Variants in SMIM41 observed in about 807,000 individuals in gnomAD.
SMIM41 encodes the protein small integral membrane protein 41.
In SMIM41 at chr12:52,107,447, T is replaced by C; in HGVS notation, c.*264T>C. The C allele has an allele frequency of 1.7e-6, 1 of 599,200 alleles. No individual in the cohort carries two copies. Among genetic ancestry groups the C allele is most frequent in the Middle Eastern group, 2.9e-4 (1 of 3,396 alleles). The allele number at this position is 599,200 out of a possible 1,614,324, so 37.1% of individuals were successfully genotyped here. Reference sequence around the variant, plus strand: ...TTCCTGTCCATGTGCCTGGTCATGGTGCTGGGGAACCTGCTCATCATCCGG... The same window carrying C: ...TTCCTGTCCATGTGCCTGGTCATGGCGCTGGGGAACCTGCTCATCATCCGG... On this transcript the variant is annotated 3_prime_UTR_variant, in exon 3 of 3. Transcript: ENST00000546390.
At chr12:52,086,070 G>A (rs75126138) in intron 2 of SMIM41, among the ~76,000 whole-genome samples, 5 of 152,196 alleles carry the variant, frequency 3.3e-5, no homozygotes, top group East Asian at 3.8e-4. Flanking sequence ...GATGCAGGAC[G>A]CAGCCCTGTT....
intron 2 of SMIM41, among the ~76,000 whole-genome samples, chr12:52,090,933 T>G (rs908574257): frequency 2.0e-5 from 3 of 152,230 alleles, no homozygotes; most frequent in African/African-American, 7.2e-5. Flanking sequence ...AGAAGTACTT[T>G]AGTGAAGGAT....
At chr12:52,106,254 G>A (rs1940336716) in intron 2 of SMIM41, among the ~76,000 whole-genome samples, 1 of 152,238 alleles carries the variant, frequency 6.6e-6, no homozygotes, top group Non-Finnish European at 1.5e-5. Flanking sequence ...GACAGCAAAA[G>A]TAAACATCTA....
chr12:52,091,163 C>A (rs1218347087), intron 2 of SMIM41, among the ~76,000 whole-genome samples: 1 of 152,200 alleles, frequency 6.6e-6, no homozygotes, highest in Admixed American at 6.5e-5. Context: ...AGGGGTGTGC[C>A]ACCACATCTG....
At chr12:52,085,010 G>A (rs1052365072) in intron 2 of SMIM41, among the ~76,000 whole-genome samples, 7 of 152,176 alleles carry the variant, frequency 4.6e-5, no homozygotes, top group African/African-American at 1.7e-4. Flanking sequence ...GGAGGACGAT[G>A]TTCTGGTTTC....
At chr12:52,093,195 T>TCAA (rs200157544) in intron 2 of SMIM41, among the ~76,000 whole-genome samples, 3 of 151,962 alleles carry the variant, frequency 2.0e-5, no homozygotes, top group African/African-American at 4.8e-5. Flanking sequence ...AGACCCTGTC[T>TCAA]CAACAACAAC....
chr12:52,099,990 G>A (rs1380105644), intron 2 of SMIM41, among the ~76,000 whole-genome samples: 1 of 151,944 alleles, frequency 6.6e-6, no homozygotes, highest in East Asian at 1.9e-4. Flanking sequence ...CTGAGATATT[G>A]GGAGTAATGA....
intron 2 of SMIM41, among the ~76,000 whole-genome samples, chr12:52,100,507 A>T (rs1423515934): frequency 1.3e-5 from 2 of 150,730 alleles, no homozygotes; most frequent in Non-Finnish European, 1.5e-5. Flanking sequence ...CCCAGGCTGG[A>T]GTGCAATGGC....
At chr12:52,102,872 T>C (rs1302717548) in intron 2 of SMIM41, among the ~76,000 whole-genome samples, 4 of 152,140 alleles carry the variant, frequency 2.6e-5, no homozygotes, top group African/African-American at 9.7e-5. Context: ...CCAAAAAGAA[T>C]TAGAAGCCAG....
intron 2 of SMIM41, among the ~76,000 whole-genome samples, chr12:52,100,622 A>ATT (rs1173057236): frequency 0.066 from 7,334 of 111,068 alleles, 472 homozygotes; most frequent in African/African-American, 0.17. Flanking sequence ...GCGCCCAGCT[A>ATT]TTTTTTTTTT....
In SMIM41 at chr12:52,081,881, A is replaced by G. The variant is rs986297378; in HGVS notation, c.*120+1700A>G. 6.6e-6 allele frequency among the ~76,000 whole-genome samples: 1 copy of G among 152,152 alleles called. No homozygotes were observed. Among genetic ancestry groups the G allele is most frequent in the Non-Finnish European group, 1.5e-5 (1 of 68,020 alleles). Reference sequence around the variant, plus strand: ...TTCCAAGTTCAGGCCCCCTTCTGGCACTTGGGGGCCCCTCTCACTCTGTCC... The same window carrying G: ...TTCCAAGTTCAGGCCCCCTTCTGGCGCTTGGGGGCCCCTCTCACTCTGTCC... On this transcript the variant is annotated intron_variant, in intron 1 of 2. Coordinates refer to ENST00000546390, the MANE Select transcript of SMIM41 (RefSeq NM_001369216.1). The surrounding 1 kb of genome is among the most constrained non-coding windows in gnomAD (Gnocchi z 4.1).
intron 2 of SMIM41, among the ~76,000 whole-genome samples, chr12:52,106,593 C>T (rs113213109): frequency 0.014 from 2,046 of 148,170 alleles, 33 homozygotes; most frequent in African/African-American, 0.052. Context: ...CTGCCCTCCT[C>T]GGCCTCCCAA....
intron 2 of SMIM41, among the ~76,000 whole-genome samples, chr12:52,089,735 G>C (rs1939963190): frequency 6.6e-6 from 1 of 152,242 alleles, no homozygotes; most frequent in South Asian, 2.1e-4. Context: ...CAGCTGCACA[G>C]CCCAGCTCTG....
intron 2 of SMIM41, among the ~76,000 whole-genome samples, chr12:52,097,526 A>G (rs937937989): frequency 6.6e-6 from 1 of 152,068 alleles, no homozygotes; most frequent in Non-Finnish European, 1.5e-5. Context: ...GTTAGCAGCC[A>G]CTGTGGACAC....
At position 52,107,620 on chromosome 12, in the gene SMIM41, G is replaced by C. The variant is rs1188241361; in HGVS notation, c.*437G>C. The stretch of plus-strand genomic sequence containing the variant: ...AGCAGAGTCATCTCCTATGCAGGCT[G>C]CCTGACTCAGAAGTCTCTCTTTGCC... On this transcript the variant is annotated 3_prime_UTR_variant, in exon 3 of 3. Transcript: ENST00000546390. 1.3e-5 allele frequency: 8 copies of C among 605,916 alleles called. No individual in the cohort carries two copies. Among genetic ancestry groups the C allele is most frequent in the African/African-American group, 5.6e-5 (3 of 53,958 alleles). 37.5% of individuals were successfully genotyped at this position (605,916 alleles called of 1,614,324 possible).
intron 2 of SMIM41, among the ~76,000 whole-genome samples, chr12:52,098,737 G>GT (rs1238376505): frequency 1.5e-5 from 2 of 137,156 alleles, no homozygotes; most frequent in Admixed American, 1.4e-4. Flanking sequence ...AATATCACGG[G>GT]GGGGGGGGTG....
rs570554911 is a variant in SMIM41, at chr12:52,092,912, C to T, written c.*195+8944C>T. Reference sequence around the variant, plus strand: ...AAAACACATTTTGGGCTGGGCATGGCGGCTCATGCCTGTAATCCCAGCACT... The same window carrying T: ...AAAACACATTTTGGGCTGGGCATGGTGGCTCATGCCTGTAATCCCAGCACT... On this transcript the variant is annotated intron_variant, in intron 2 of 2. Coordinates refer to ENST00000546390, the MANE Select transcript of SMIM41 (RefSeq NM_001369216.1). Among the ~76,000 whole-genome samples the T allele has an allele frequency of 9.1e-4, 138 of 152,182 alleles. 2 individuals carry two copies. The highest frequency in any genetic ancestry group is 3.2e-3 in the African/African-American group (131 of 41,506).
At chr12:52,096,226 C>T (rs1940090942) in intron 2 of SMIM41, among the ~76,000 whole-genome samples, 1 of 151,454 alleles carries the variant, frequency 6.6e-6, no homozygotes, top group Non-Finnish European at 1.5e-5. Flanking sequence ...GTGTACACTT[C>T]CTGCGATACT....
chr12:52,094,160 G>A (rs1224548888), intron 2 of SMIM41, among the ~76,000 whole-genome samples: 8 of 142,050 alleles, frequency 5.6e-5, no homozygotes, highest in African/African-American at 2.0e-4. Context: ...AAGAAAAAAA[G>A]AAAAATCTAA....
Sources: allele counts gnomAD v4.1 joint callset (sites outside exome capture counted in the v4.1 genomes callset), GRCh38; gene constraint gnomAD v4.1.1; non-coding constraint Gnocchi (gnomAD v3.1); transcripts MANE v1.5; gene names NCBI Gene and HGNC (gene_info 2026-07-23, HGNC 2026-07-21).